Variants in VIT observed in about 807,000 individuals in gnomAD.
VIT encodes vitrin.
A neutral mutation model predicts 78.0 loss-of-function variants in VIT; 99 were observed. The ratio of observed to expected loss-of-function variants is 1.27; its 90% CI spans 1.08 to 1.50. VIT has a LOEUF of 1.50. Ranked by LOEUF, VIT falls within the 40% of genes most tolerant of loss-of-function variation. The pLI, the probability that VIT is intolerant of heterozygous loss-of-function variation, is 0.00. For synonymous variants in VIT, 374 were observed against 334.3 expected, an observed-to-expected ratio of 1.12 and a Z score of -1.29; for missense variants, 1,126 against 875.3, an observed-to-expected ratio of 1.29 and a Z score of -3.61.
chr2:36,763,555 T>C lies in VIT; in HGVS notation c.488-3539T>C, dbSNP rs960825075. 1.6e-4 allele frequency among the ~76,000 whole-genome samples: 24 copies of C among 150,282 alleles called. 1 individual carries two copies. The highest frequency in any genetic ancestry group is 1.3e-4 in the Admixed American group (2 of 15,000). On this transcript the variant is annotated intron_variant, in intron 6 of 15. Coordinates refer to ENST00000379242, the MANE Select transcript of VIT (RefSeq NM_053276.4). ...AGTGAGGAATTGGGAGCAATTGGGA[T>C]AGGAGGAGTAATTTTTCTCTATCTT...
chr2:36,804,228 A>G (rs547281703), intron 13 of VIT, among the ~76,000 whole-genome samples: 3 of 152,356 alleles, frequency 2.0e-5, no homozygotes, highest in Non-Finnish European at 2.9e-5. Context: ...TGACCTACTC[A>G]GGGCCACACA....
intron 2 of VIT, among the ~76,000 whole-genome samples, chr2:36,721,793 A>C (rs1666529797): frequency 6.6e-6 from 1 of 152,068 alleles, no homozygotes; most frequent in South Asian, 2.1e-4. Context: ...TCCTCCCACC[A>C]ACCATGCTAT....
intron 13 of VIT, among the ~76,000 whole-genome samples, chr2:36,804,535 C>G (rs1051090072): frequency 6.6e-6 from 1 of 152,162 alleles, no homozygotes; most frequent in Non-Finnish European, 1.5e-5. Flanking sequence ...CACTTCTGTT[C>G]GCATGAAAGT....
chr2:36,780,946 G>C (rs1664708342), intron 9 of VIT, among the ~76,000 whole-genome samples: 1 of 152,074 alleles, frequency 6.6e-6, no homozygotes. Flanking sequence ...GCCCCTCTCA[G>C]CCATGATTTT....
At chr2:36,709,463 T>C (rs1665666381) in intron 1 of VIT, among the ~76,000 whole-genome samples, 1 of 152,236 alleles carries the variant, frequency 6.6e-6, no homozygotes, top group Non-Finnish European at 1.5e-5. Flanking sequence ...TTATGATGCA[T>C]GCATGCCAGT....
intron 6 of VIT, chr2:36,759,281 G>A: frequency 6.8e-7 from 1 of 1,465,436 alleles, no homozygotes; most frequent in African/African-American, 1.4e-5. Flanking sequence ...CTCTATATTT[G>A]TGTCATTTTC....
At chr2:36,754,717 A>AGG (rs1260841254) in intron 4 of VIT, among the ~76,000 whole-genome samples, 3 of 152,200 alleles carry the variant, frequency 2.0e-5, no homozygotes, top group African/African-American at 7.2e-5. Flanking sequence ...AAGAAAGAGA[A>AGG]GGACATTGAC....
chr2:36,805,557 G>T lies in VIT; in HGVS notation c.1282G>T (p.Ala428Ser). Residue 428 changes from alanine (A) to serine (S), a missense_variant, in exon 14 of 16, where the codon GCT (alanine) becomes TCT (serine). Transcript: ENST00000379242. ...DGWPTDKVEE[A>S]SRLARESGIN... is the part of the protein sequence containing the mutation. The stretch of plus-strand genomic sequence containing the variant: ...CTGGCCCACGGACAAAGTGGAGGAG[G>T]CTTCAAGACTTGCGAGAGAGTCAGG... 6.2e-7 allele frequency: 1 copy of T among 1,614,136 alleles called. No homozygotes were observed. The highest frequency in any genetic ancestry group is 8.5e-7 in the Non-Finnish European group (1 of 1,180,016).
At chr2:36,754,307 C>A (rs111403512) in intron 4 of VIT, among the ~76,000 whole-genome samples, 1 of 124,432 alleles carries the variant, frequency 8.0e-6, no homozygotes, top group Non-Finnish European at 1.9e-5. Flanking sequence ...GAAATGACAA[C>A]GTAAAAGTGC....
chr2:36,806,471 T>A (rs998229219), intron 14 of VIT, among the ~76,000 whole-genome samples: 44 of 151,302 alleles, frequency 2.9e-4, no homozygotes, highest in African/African-American at 9.7e-4. Context: ...AATGTTGACC[T>A]CCCCAGGTCT....
chr2:36,767,658 A>G (rs899308785), intron 7 of VIT, among the ~76,000 whole-genome samples: 3 of 152,260 alleles, frequency 2.0e-5, no homozygotes, highest in Non-Finnish European at 4.4e-5. Context: ...AAACAAAACC[A>G]AAAGAATCCC....
intron 12 of VIT, among the ~76,000 whole-genome samples, chr2:36,791,725 A>G (rs926369692): frequency 2.0e-5 from 3 of 152,290 alleles, no homozygotes; most frequent in Admixed American, 6.5e-5. Context: ...CAGGAAACAG[A>G]TTCTCCCTGG....
intron 4 of VIT, 101 bp downstream of exon 4, chr2:36,743,357 TA>T (rs1288960029): frequency 5.6e-6 from 7 of 1,238,962 alleles, no homozygotes; most frequent in South Asian, 2.1e-5. Flanking sequence ...AATATACAAA[TA>T]TTTTTTAGCT....
rs1664902324 is a variant in VIT, at chr2:36,783,551, A to G, written c.910+149A>G. ...TTCTGACACCTTGTTCTAAGGGGAAAGGGAAGCTTTTGAAGGATATAAACT... is the reference window on the plus strand; with the variant it reads ...TTCTGACACCTTGTTCTAAGGGGAAGGGGAAGCTTTTGAAGGATATAAACT... On this transcript the variant is annotated intron_variant, in intron 11 of 15. Transcript: ENST00000379242. The G allele has an allele frequency of 9.2e-6, 7 of 764,534 alleles. No homozygotes were observed. In the East Asian group the frequency reaches 1.9e-4, roughly 21 times the overall value. 47.4% of individuals were successfully genotyped at this position (764,534 alleles called of 1,614,324 possible).
chr2:36,778,608 C>T (rs113501763), intron 9 of VIT, among the ~76,000 whole-genome samples: 7 of 152,186 alleles, frequency 4.6e-5, no homozygotes, highest in Admixed American at 1.3e-4. Flanking sequence ...CTGGGACTGT[C>T]GACGCTTTGT....
chr2:36,721,461 A>G (rs1221808984), intron 2 of VIT, among the ~76,000 whole-genome samples: 1 of 151,932 alleles, frequency 6.6e-6, no homozygotes, highest in Non-Finnish European at 1.5e-5. Context: ...GGGTGCTGTG[A>G]TGGCTTCCCT....
chr2:36,809,043 C>T (rs1302317847), intron 15 of VIT, 58 bp downstream of exon 15: 20 of 1,515,860 alleles, frequency 1.3e-5, no homozygotes, highest in Non-Finnish European at 1.7e-5. Flanking sequence ...GCTTGGTGGG[C>T]CAGTGGGACA....
intron 13 of VIT, among the ~76,000 whole-genome samples, chr2:36,802,504 C>G (rs1366634113): frequency 6.6e-6 from 1 of 152,138 alleles, no homozygotes; most frequent in Non-Finnish European, 1.5e-5. Context: ...CTATAGTGAC[C>G]AGAACATTAG....
chr2:36,703,050 G>T (rs1467644282), intron 1 of VIT, among the ~76,000 whole-genome samples: 3 of 152,154 alleles, frequency 2.0e-5, no homozygotes, highest in African/African-American at 7.2e-5. Context: ...CCCCTCTCCT[G>T]TAGAGGACTT....
Sources: gnomAD v4.1 joint callset for allele counts (sites outside exome capture counted in the v4.1 genomes callset) on GRCh38, gnomAD v4.1.1 for gene constraint, MANE v1.5 for transcripts, NCBI Gene and HGNC (gene_info 2026-07-23, HGNC 2026-07-21) for gene names.